The following TLE2 variants were observed in gnomAD, a reference collection of about 807,000 sequenced individuals.
The protein encoded by TLE2 is transducin-like enhancer protein 2.
In TLE2, 74 loss-of-function variants were observed where a neutral mutation model predicts 97.2. The observed-to-expected ratio is 0.76, with a 90% CI of 0.63 to 0.92. The LOEUF (loss-of-function observed/expected upper bound fraction) is 0.92. Among genes scored for constraint, TLE2 ranks in the 40% least tolerant of loss-of-function variants. TLE2 has a pLI of 0.00. For synonymous variants in TLE2, 499 were observed against 432.1 expected (o/e 1.15, Z -1.92); for missense variants, 1,038 against 1,008.7 (o/e 1.03, Z -0.39).
chr19:3,039,439 C>G (rs926605503), intron 1 of TLE2, among the ~76,000 whole-genome samples: 13 of 152,110 alleles, frequency 8.5e-5, no homozygotes, highest in African/African-American at 3.1e-4. Flanking sequence ...CAGAGTCTAG[C>G]CTCAAGACCT....
In TLE2 at chr19:3,019,692, G is replaced by T; in HGVS notation, c.369+7C>A. 1.2e-6 allele frequency: 2 copies of T among 1,606,426 alleles called. No homozygotes were observed. The highest frequency in any genetic ancestry group is 2.2e-5 in the South Asian group (2 of 89,842). On this transcript the variant is annotated splice_region_variant and intron_variant, in intron 6 of 19. Coordinates refer to ENST00000262953, the MANE Select transcript of TLE2 (RefSeq NM_003260.5). This position sits in a 1 kb window ranked among gnomAD's most constrained non-coding sequence, Gnocchi z 5.1. ...CCCATGGCGGGGCAGGGGCTAGAGA[G>T]ACTCACCCCGATGAGGCTGTTCAGC...
chr19:3,003,938 C>T (rs1482365668), intron 17 of TLE2, among the ~76,000 whole-genome samples: 1 of 152,090 alleles, frequency 6.6e-6, no homozygotes, highest in Non-Finnish European at 1.5e-5. Context: ...AACTCCTGAC[C>T]TCAAGTGATC....
intron 1 of TLE2, among the ~76,000 whole-genome samples, chr19:3,034,638 T>C (rs1434089548): frequency 6.6e-6 from 1 of 151,688 alleles, no homozygotes; most frequent in African/African-American, 2.4e-5. Flanking sequence ...AAAAGCCTTC[T>C]CCCCCAGCCT....
chr19:3,027,542 C>T (rs2089966516), intron 4 of TLE2, among the ~76,000 whole-genome samples: 1 of 152,228 alleles, frequency 6.6e-6, no homozygotes, highest in African/African-American at 2.4e-5. Context: ...CTGCTATGTG[C>T]CCTCCTTGAT....
At chr19:3,010,934 C>A in intron 12 of TLE2, 88 bp downstream of exon 12, 1 of 1,482,500 alleles carries the variant, frequency 6.7e-7, no homozygotes, top group Non-Finnish European at 9.0e-7. Context: ...GCCTGGAATC[C>A]CAGCATTCTG....
At chr19:2,999,075 A>C (rs1480058965) in intron 19 of TLE2, among the ~76,000 whole-genome samples, 1 of 152,158 alleles carries the variant, frequency 6.6e-6, no homozygotes, top group Non-Finnish European at 1.5e-5. Context: ...TGAGGTCAGG[A>C]GTTCCAGACC....
chr19:3,023,417 G>A (rs1014580669), intron 5 of TLE2, among the ~76,000 whole-genome samples: 1 of 152,084 alleles, frequency 6.6e-6, no homozygotes, highest in African/African-American at 2.4e-5. Context: ...TATGTTCTGT[G>A]TCTACACAGG....
chr19:3,041,014 T>TGTATATATATATATA, intron 1 of TLE2, among the ~76,000 whole-genome samples: 1 of 20,166 alleles, frequency 5.0e-5, no homozygotes, highest in Non-Finnish European at 8.4e-5. Flanking sequence ...TATATATATA[T>TGTATATATATATATA]TTTTTTTTTT....
intron 1 of TLE2, among the ~76,000 whole-genome samples, chr19:3,038,307 C>G (rs2090076056): frequency 1.3e-5 from 2 of 152,148 alleles, no homozygotes; most frequent in African/African-American, 4.8e-5. Context: ...TCGCTGGGCT[C>G]AAGCCGTCTT....
intron 1 of TLE2, among the ~76,000 whole-genome samples, chr19:3,041,014 T>TATATATATATATATGTATA (rs55998855): frequency 5.0e-5 from 1 of 20,168 alleles, no homozygotes; most frequent in Non-Finnish European, 8.4e-5. Flanking sequence ...TATATATATA[T>TATATATATATATATGTATA]TTTTTTTTTT....
intron 19 of TLE2, among the ~76,000 whole-genome samples, chr19:2,998,237 ATGTGTGTGTGTGTGTGTGTGTGTG>A (rs56398458): frequency 2.5e-4 from 30 of 121,424 alleles, no homozygotes; most frequent in African/African-American, 6.7e-4. Context: ...CGCCCGGCCA[ATGTGTGTGTGTGTGTGTGTGTGTG>A]TGTGTGTGTG....
chr19:3,031,962 C>G (rs1255496799), upstream of TLE2, among the ~76,000 whole-genome samples: 1 of 151,968 alleles, frequency 6.6e-6, no homozygotes, highest in African/African-American at 2.4e-5. Flanking sequence ...GAGTCTTGCT[C>G]TGCTGCCCAG....
At chr19:3,044,498 C>T (rs2090127812) in intron 1 of TLE2, among the ~76,000 whole-genome samples, 1 of 152,232 alleles carries the variant, frequency 6.6e-6, no homozygotes, top group Non-Finnish European at 1.5e-5. Context: ...CTGCTCACTG[C>T]ACCCTCCACC....
At chr19:3,040,043 G>A (rs867471113) in intron 1 of TLE2, among the ~76,000 whole-genome samples, 2 of 152,342 alleles carry the variant, frequency 1.3e-5, no homozygotes, top group Middle Eastern at 3.4e-3. Context: ...AATTTGGGGT[G>A]CGGAAGCAGA....
chr19:3,006,062 A>G, intron 15 of TLE2, 94 bp from the exon 16 acceptor site: 1 of 1,454,466 alleles, frequency 6.9e-7, no homozygotes, highest in Non-Finnish European at 9.6e-7. Flanking sequence ...AGCCCAATGT[A>G]GCCTCATCCT....
intron 5 of TLE2, chr19:3,020,550 A>C (rs886897614): frequency 6.6e-6 from 1 of 152,154 alleles, no homozygotes; most frequent in African/African-American, 2.4e-5. Flanking sequence ...CTGCCATCAG[A>C]ACACCCTCCC....
chr19:3,008,808 C>T, intron 14 of TLE2, 61 bp downstream of exon 14: 1 of 1,400,898 alleles, frequency 7.1e-7, no homozygotes, highest in Non-Finnish European at 9.6e-7. Context: ...AGGGTAAGAC[C>T]TCAGAGGAGG....
At position 3,006,462 on chromosome 19, in the gene TLE2, G is replaced by A. The variant is rs780284257; in HGVS notation, c.1458C>T (p.Gly486=). 5.3e-5 allele frequency: 86 copies of A among 1,610,860 alleles called. No homozygotes were observed. Among genetic ancestry groups the A allele is most frequent in the Non-Finnish European group, 7.1e-5 (84 of 1,179,594 alleles). The stretch of plus-strand genomic sequence containing the variant: ...CCACGGGCGTCTTGGCCCCAGGCTG[G>A]CCCACGTCCCACACCTTCACACAGC... ...GKGCVKVWDV[G]QPGAKTPVAQ... is the part of the protein sequence containing the mutation. Residue 486 remains glycine, a synonymous_variant, in exon 15 of 20, where the codon GGC becomes GGT. Transcript: ENST00000262953.
chr19:3,009,890 TTTTTC>T (rs2089557519), intron 12 of TLE2, among the ~76,000 whole-genome samples, 188 bp from the exon 13 acceptor site: 1 of 150,816 alleles, frequency 6.6e-6, no homozygotes, highest in Admixed American at 6.6e-5. Flanking sequence ...TCTCTCTCTT[TTTTTC>T]TTTTGTTTGA....
Sources: gnomAD v4.1 joint callset for allele counts (sites outside exome capture counted in the v4.1 genomes callset) on GRCh38, gnomAD v4.1.1 for gene constraint, Gnocchi (gnomAD v3.1) non-coding constraint, MANE v1.5 for transcripts, NCBI Gene and HGNC (gene_info 2026-07-23, HGNC 2026-07-21) for gene names.